Variants in RTL9 observed in about 807,000 individuals in gnomAD.
The protein encoded by RTL9 is retrotransposon Gag like 9.
A neutral mutation model predicts 44.7 loss-of-function variants in RTL9; 19 were observed. The ratio of observed to expected loss-of-function variants is 0.42; its 90% CI spans 0.30 to 0.62. RTL9 has a LOEUF of 0.62. Among genes scored for constraint, RTL9 ranks in the 20% least tolerant of loss-of-function variants. The pLI is 0.16. For synonymous variants in RTL9, 407 were observed against 398.9 expected (o/e 1.02, Z -0.24); for missense variants, 1,105 against 1,080.6 (o/e 1.02, Z -0.32).
chrX:110,384,706 C>A (rs1181573614), intron 1 of RTL9, among the ~76,000 whole-genome samples: 1 of 110,809 alleles, frequency 9.0e-6, no homozygotes, highest in Non-Finnish European at 1.9e-5. Context: ...CAGAAGGTGA[C>A]AAATGTGGCT....
At chrX:110,427,988 G>C (rs2068766779) in intron 1 of RTL9, among the ~76,000 whole-genome samples, 1 of 111,847 alleles carries the variant, frequency 8.9e-6, no homozygotes, top group Non-Finnish European at 1.9e-5. Context: ...TCCAGTCTGG[G>C]TTAGATGCCC....
chrX:110,445,376 G>A (rs1034385637), intron 2 of RTL9, 108 bp downstream of exon 2: 2 of 112,401 alleles, frequency 1.8e-5, no homozygotes, highest in African/African-American at 6.5e-5. Flanking sequence ...ATAAGATGAG[G>A]TATGTAAAGT....
At chrX:110,454,796 A>G in intron 1 of RTL9, 132 bp downstream of exon 3, 5 of 551,976 alleles carry the variant, frequency 9.1e-6, no homozygotes, top group Non-Finnish European at 1.1e-5. Context: ...AGACCATTAA[A>G]CCCCAGCAGT....
intron 1 of RTL9, among the ~76,000 whole-genome samples, chrX:110,405,039 C>T (rs757017161): frequency 6.5e-5 from 7 of 107,936 alleles, no homozygotes; most frequent in East Asian, 2.9e-4. Flanking sequence ...TTCAGAGATA[C>T]GCTTTTGTCA....
At chrX:110,407,734 G>A (rs1255615667) in intron 1 of RTL9, among the ~76,000 whole-genome samples, 1 of 112,270 alleles carries the variant, frequency 8.9e-6, no homozygotes, top group African/African-American at 3.2e-5. Flanking sequence ...ATCTGTGTGA[G>A]GCTGACAAGA....
chrX:110,380,302 A>G (rs1218342526), intron 1 of RTL9, among the ~76,000 whole-genome samples: 6 of 111,611 alleles, frequency 5.4e-5, no homozygotes, highest in Non-Finnish European at 1.1e-4. Context: ...TAGGAAAACA[A>G]TATAATCAGA....
chrX:110,455,334 T>C, exon 2 of RTL9: 2 of 1,207,351 alleles, frequency 1.7e-6, no homozygotes, highest in Non-Finnish European at 2.2e-6. Flanking sequence ...CTCCATGGAA[T>C]CTTCTCCTGT....
chrX:110,422,865 T>G (rs1264060456), intron 1 of RTL9, among the ~76,000 whole-genome samples: 2 of 112,178 alleles, frequency 1.8e-5, no homozygotes, highest in African/African-American at 6.5e-5. Flanking sequence ...ATCCAAACAT[T>G]AAAAAAGAGA....
intron 1 of RTL9, among the ~76,000 whole-genome samples, chrX:110,423,828 T>G (rs2148324057): frequency 8.9e-6 from 1 of 112,361 alleles, no homozygotes; most frequent in South Asian, 3.7e-4. Context: ...TCTTCCGACG[T>G]TAGGTGTTGC....
chrX:110,431,355 G>GTGTGTGTGT (rs1569428611), intron 1 of RTL9, among the ~76,000 whole-genome samples: 1 of 108,966 alleles, frequency 9.2e-6, no homozygotes, highest in Non-Finnish European at 1.9e-5. Context: ...GTGTGTGTGT[G>GTGTGTGTGT]CTGGCTGAGG....
At chrX:110,420,141 C>T (rs907533963) in intron 1 of RTL9, among the ~76,000 whole-genome samples, 12 of 111,654 alleles carry the variant, frequency 1.1e-4, no homozygotes, top group East Asian at 2.8e-4. Context: ...ACACCTCCCA[C>T]GCCACCCCCA....
chrX:110,424,888 C>T (rs1316440389), intron 1 of RTL9, among the ~76,000 whole-genome samples: 1 of 111,623 alleles, frequency 9.0e-6, no homozygotes, highest in Admixed American at 9.5e-5. Context: ...TAGTCATAGT[C>T]ACCATTTATT....
chrX:110,422,597 T>C (rs2068725437), intron 1 of RTL9, among the ~76,000 whole-genome samples: 1 of 112,518 alleles, frequency 8.9e-6, no homozygotes, highest in South Asian at 3.7e-4. Flanking sequence ...ACATCGCAAA[T>C]GTAACTTGCA....
upstream of RTL9, among the ~76,000 whole-genome samples, chrX:110,446,344 A>G (rs1422437550): frequency 9.0e-6 from 1 of 111,295 alleles, no homozygotes; most frequent in Non-Finnish European, 1.9e-5. Context: ...TTTAAAAACA[A>G]ACCAAAAATA....
At chrX:110,424,184 G>A (rs1052999641) in intron 1 of RTL9, among the ~76,000 whole-genome samples, 4 of 111,577 alleles carry the variant, frequency 3.6e-5, no homozygotes, top group Admixed American at 9.5e-5. Flanking sequence ...TTCAAACCCA[G>A]GTTTATCTGA....
At chrX:110,453,269 G>A (rs765585429) in exon 1 of RTL9, 2 of 1,211,644 alleles carry the variant, frequency 1.7e-6, no homozygotes, top group East Asian at 3.0e-5. Context: ...CTGGAGACAT[G>A]TGCACACTAC....
intron 1 of RTL9, among the ~76,000 whole-genome samples, chrX:110,365,011 G>A (rs755190242): frequency 8.9e-6 from 1 of 111,763 alleles, no homozygotes; most frequent in Non-Finnish European, 1.9e-5. Context: ...AAACAGTAGG[G>A]ACTTCCTGTA....
At chrX:110,452,357 G>A in exon 1 of RTL9, 1 of 1,211,728 alleles carries the variant, frequency 8.3e-7, no homozygotes, top group Non-Finnish European at 1.1e-6. Context: ...CCCCACTAAT[G>A]ACAGCCCAAA....
At chrX:110,436,989 G>A (rs909407797) in intron 1 of RTL9, among the ~76,000 whole-genome samples, 4 of 112,418 alleles carry the variant, frequency 3.6e-5, no homozygotes, top group Non-Finnish European at 3.8e-5. Flanking sequence ...TCTCCCAGAA[G>A]TGATTCCATT....
Sources: allele counts gnomAD v4.1 joint callset (sites outside exome capture counted in the v4.1 genomes callset), GRCh38; gene constraint gnomAD v4.1.1; transcripts MANE v1.5; gene names NCBI Gene and HGNC (gene_info 2026-07-23, HGNC 2026-07-21).